Variants in PRDM16 observed in about 807,000 individuals in gnomAD.
PRDM16 encodes the protein histone-lysine N-methyltransferase PRDM16.
A neutral mutation model predicts 110.6 loss-of-function variants in PRDM16; 23 were observed. The ratio of observed to expected loss-of-function variants is 0.21; its 90% CI spans 0.15 to 0.29. The LOEUF is 0.29. PRDM16 is among the 10% of genes least tolerant of loss of function. PRDM16 has a pLI of 1.00. For missense variants in PRDM16, 1,615 were observed against 1,794.3 expected, an observed-to-expected ratio of 0.90 and a Z score of 1.81; for synonymous variants, 799 against 781.8, an observed-to-expected ratio of 1.02 and a Z score of -0.37.
chr1:3,292,912 G>A (rs1286113745), intron 3 of PRDM16, among the ~76,000 whole-genome samples: 1 of 152,256 alleles, frequency 6.6e-6, no homozygotes, highest in Non-Finnish European at 1.5e-5. Flanking sequence ...GAGGGGAAGA[G>A]GCACTGGTCT....
intron 1 of PRDM16, 88 bp from the exon 2 acceptor site, chr1:3,186,036 AT>A: frequency 8.7e-7 from 1 of 1,153,312 alleles, no homozygotes; most frequent in Non-Finnish European, 1.3e-6. Flanking sequence ...CTCGGTGCCC[AT>A]TGATGCCCGA....
In PRDM16 at chr1:3,385,311, C is replaced by T. The variant is rs1157592670; in HGVS notation, c.573+25C>T. 2.5e-6 allele frequency: 4 copies of T among 1,611,376 alleles called. No homozygotes were observed. In the South Asian group the frequency reaches 3.3e-5, roughly 13 times the overall value. ...GGTAGGTCCGGGCTCATAACAGGGG[C>T]TTCTGCCTCTTGGAATTGTCCCTGA... On this transcript the variant is annotated intron_variant, in intron 4 of 16. Coordinates refer to ENST00000270722, the MANE Select transcript of PRDM16 (RefSeq NM_022114.4).
At chr1:3,270,032 G>A (rs1640401045) in intron 3 of PRDM16, among the ~76,000 whole-genome samples, 1 of 147,946 alleles carries the variant, frequency 6.8e-6, no homozygotes, top group South Asian at 2.2e-4. Context: ...AGGGAGGACT[G>A]TCCTGGAAGA....
chr1:3,408,483 A>T (rs530217886), intron 8 of PRDM16, among the ~76,000 whole-genome samples: 50 of 152,112 alleles, frequency 3.3e-4, no homozygotes, highest in African/African-American at 1.1e-3. Flanking sequence ...TGCACGTGTG[A>T]GAGTGTGTGA....
chr1:3,155,988 T>C (rs1643853807), intron 1 of PRDM16, among the ~76,000 whole-genome samples: 1 of 152,230 alleles, frequency 6.6e-6, no homozygotes, highest in Non-Finnish European at 1.5e-5. Context: ...TTTGTCACTG[T>C]GGTCTCTAAT....
Position 3,358,172 on chromosome 1 carries a change from G to A in PRDM16, c.439-26980G>A, listed in dbSNP as rs893010147. ...AGGGCAACGTGGACCACACAGACACGGTGCAATAGGCCACTTTCTGGCCTT... is the reference window on the plus strand; with the variant it reads ...AGGGCAACGTGGACCACACAGACACAGTGCAATAGGCCACTTTCTGGCCTT... On this transcript the variant is annotated intron_variant, in intron 3 of 16. Transcript: ENST00000270722. The surrounding 1 kb of genome is among the most constrained non-coding windows in gnomAD (Gnocchi z 4.0). Among the ~76,000 whole-genome samples the A allele has an allele frequency of 3.3e-5, 5 of 152,198 alleles. No individual in the cohort carries two copies. Among genetic ancestry groups the A allele is most frequent in the African/African-American group, 4.8e-5 (2 of 41,458 alleles).
chr1:3,386,132 C>T (rs975005692), intron 4 of PRDM16, among the ~76,000 whole-genome samples: 1 of 150,192 alleles, frequency 6.7e-6, no homozygotes, highest in African/African-American at 2.4e-5. Context: ...TCCTGAACAC[C>T]GTGCGTTCCT....
intron 1 of PRDM16, among the ~76,000 whole-genome samples, chr1:3,149,679 C>T (rs148441937): frequency 1.5e-4 from 23 of 152,350 alleles, no homozygotes; most frequent in South Asian, 1.0e-3. Flanking sequence ...TTAGGGAATG[C>T]CCTTTTATGC....
intron 3 of PRDM16, among the ~76,000 whole-genome samples, chr1:3,260,453 G>T (rs1640134293): frequency 6.6e-6 from 1 of 152,146 alleles, no homozygotes; most frequent in South Asian, 2.1e-4. Flanking sequence ...TTCTTCGTCT[G>T]TAAAGTGGAA....
At position 3,114,553 on chromosome 1, in the gene PRDM16, C is replaced by T. The variant is rs117464171; in HGVS notation, c.37+45257C>T. On this transcript the variant is annotated intron_variant, in intron 1 of 16. Transcript: ENST00000270722. ...ACACATGCACACATGAACACACACA[C>T]GTGCACAAACAAGCACACACTTGCA... 3.4e-3 allele frequency among the ~76,000 whole-genome samples: 519 copies of T among 151,790 alleles called. 1 individual carries two copies. Among genetic ancestry groups the T allele is most frequent in the East Asian group, 5.8e-3 (30 of 5,138 alleles).
intron 1 of PRDM16, among the ~76,000 whole-genome samples, chr1:3,160,954 C>T (rs1569722401): frequency 6.6e-6 from 1 of 152,162 alleles, no homozygotes; most frequent in Non-Finnish European, 1.5e-5. Flanking sequence ...TCTTTATTTT[C>T]CCCTACTCCC....
chr1:3,188,163 G>A (rs980872051), intron 2 of PRDM16, among the ~76,000 whole-genome samples: 1 of 152,266 alleles, frequency 6.6e-6, no homozygotes, highest in Non-Finnish European at 1.5e-5. Context: ...TGCAGTGAAA[G>A]TAACTTTGGC....
At chr1:3,254,598 A>G (rs1273594787) in intron 3 of PRDM16, among the ~76,000 whole-genome samples, 1 of 152,234 alleles carries the variant, frequency 6.6e-6, no homozygotes, top group African/African-American at 2.4e-5. Context: ...CCAACTTACA[A>G]GGGACATGAA....
chr1:3,264,545 C>A (rs1390493196), intron 3 of PRDM16, among the ~76,000 whole-genome samples: 2 of 137,666 alleles, frequency 1.5e-5, no homozygotes, highest in East Asian at 4.3e-4. Flanking sequence ...AGGAGGGAGG[C>A]AGGGGAGGGG....
At chr1:3,155,247 G>T (rs561021164) in intron 1 of PRDM16, among the ~76,000 whole-genome samples, 2 of 152,354 alleles carry the variant, frequency 1.3e-5, no homozygotes, top group East Asian at 3.9e-4. Flanking sequence ...CAAGGCAGGC[G>T]GTGGGACCCG....
intron 3 of PRDM16, among the ~76,000 whole-genome samples, chr1:3,284,886 G>GAGTCT (rs1640811207): frequency 6.6e-6 from 1 of 152,216 alleles, no homozygotes; most frequent in Non-Finnish European, 1.5e-5. Context: ...CAGCCGCCAG[G>GAGTCT]GCAGCTTCCG....
chr1:3,413,113 A>G (rs1643721276), intron 9 of PRDM16, among the ~76,000 whole-genome samples: 1 of 151,086 alleles, frequency 6.6e-6, no homozygotes, highest in Admixed American at 6.6e-5. Context: ...AGCGCCTCCT[A>G]TCCCCAGTAA....
intron 2 of PRDM16, among the ~76,000 whole-genome samples, chr1:3,221,175 G>A (rs958902204): frequency 8.6e-5 from 13 of 152,030 alleles, no homozygotes; most frequent in African/African-American, 2.9e-4. Context: ...CTCAGCATTC[G>A]GTCTCTGGCA....
chr1:3,143,633 C>T lies in PRDM16; in HGVS notation c.38-42492C>T, dbSNP rs996288376. Among the ~76,000 whole-genome samples, 5 of 152,076 alleles carry T rather than the reference C, an allele frequency of 3.3e-5. No individual in the cohort carries two copies. Among genetic ancestry groups the T allele is most frequent in the African/African-American group, 2.4e-5 (1 of 41,388 alleles). ...CTGGGATTACAGGTGTGCACCACCA[C>T]GCCCGGCTAATTTTTGTATTTTTAG... On this transcript the variant is annotated intron_variant, in intron 1 of 16. Transcript: ENST00000270722. The surrounding 1 kb of genome is among the most constrained non-coding windows in gnomAD (Gnocchi z 4.5).
Sources: gnomAD v4.1 joint callset for allele counts (sites outside exome capture counted in the v4.1 genomes callset) on GRCh38, gnomAD v4.1.1 for gene constraint, Gnocchi (gnomAD v3.1) non-coding constraint, MANE v1.5 for transcripts, NCBI Gene and HGNC (gene_info 2026-07-23, HGNC 2026-07-21) for gene names.